APOLD1: variants seen among roughly 807,000 people sequenced by gnomAD.
The protein encoded by APOLD1 is apolipoprotein L domain-containing protein 1.
In APOLD1, 22 loss-of-function variants were observed where a neutral mutation model predicts 15.3. The observed-to-expected ratio is 1.44, with a 90% CI of 1.03 to 2.05. The LOEUF (loss-of-function observed/expected upper bound fraction) is 2.05. Ranked by LOEUF, APOLD1 falls within the 30% of genes most tolerant of loss-of-function variation. The probability of loss-of-function intolerance (pLI) is 0.00; values close to 1 mark genes in which losing one functional copy is unlikely to be tolerated. For missense variants in APOLD1, 394 were observed against 353.5 expected (o/e 1.11, Z -0.92); for synonymous variants, 190 against 167.4 (o/e 1.13, Z -1.04).
chr12:12,746,010 TC>T (rs1241623445), intron 1 of APOLD1, among the ~76,000 whole-genome samples: 1 of 152,094 alleles, frequency 6.6e-6, no homozygotes, highest in Non-Finnish European at 1.5e-5. Flanking sequence ...CAGAGCTAAA[TC>T]CCCTGAATGC....
chr12:12,786,563 C>T (rs901513586), intron 1 of APOLD1: 1 of 697,574 alleles, frequency 1.4e-6, no homozygotes, highest in Non-Finnish European at 1.8e-6. Flanking sequence ...GGCCTCAGTA[C>T]TGGAGAAGCC....
chr12:12,730,574 G>C (rs1425870713), intron 1 of APOLD1, among the ~76,000 whole-genome samples: 2 of 150,536 alleles, frequency 1.3e-5, no homozygotes, highest in Non-Finnish European at 3.0e-5. Context: ...CCAGCTACTG[G>C]AGAGGCTGAG....
At chr12:12,769,895 G>A (rs1451001612) in intron 1 of APOLD1, among the ~76,000 whole-genome samples, 2 of 152,104 alleles carry the variant, frequency 1.3e-5, no homozygotes, top group Non-Finnish European at 2.9e-5. Context: ...TCCACACCTT[G>A]CCACCACATT....
chr12:12,787,244 C>A lies in APOLD1; in HGVS notation c.339C>A (p.Asn113Lys). The A allele has an allele frequency of 6.3e-7, 1 of 1,576,816 alleles. No homozygotes were observed. Among genetic ancestry groups the A allele is most frequent in the Non-Finnish European group, 8.6e-7 (1 of 1,165,554 alleles). Residue 113 changes from asparagine (N) to lysine (K), a missense_variant, in exon 2 of 2, where the codon AAC becomes AAA. By Grantham distance (94) the Asn-to-Lys change is moderately conservative (BLOSUM62 0). Coordinates refer to ENST00000356591, the MANE Select transcript of APOLD1 (RefSeq NM_030817.3). This position sits in a 1 kb window ranked among gnomAD's most constrained non-coding sequence, Gnocchi z 4.9. Reference sequence around the variant, plus strand: ...CCGATCTCTCGCTGATCTTCTGCAACTCCCGGGAGCTGCGGAGGGTGCAGG... The same window carrying A: ...CCGATCTCTCGCTGATCTTCTGCAAATCCCGGGAGCTGCGGAGGGTGCAGG... Reference protein sequence around the residue: ...ITSDLSLIFCNSRELRRVQEI... With the variant: ...ITSDLSLIFCKSRELRRVQEI...
chr12:12,778,033 T>C (rs1029069757), intron 1 of APOLD1, among the ~76,000 whole-genome samples: 2 of 151,056 alleles, frequency 1.3e-5, no homozygotes, highest in African/African-American at 4.9e-5. Context: ...GAAGCGATCC[T>C]CCCACCTCAG....
chr12:12,732,729 C>T, intron 1 of APOLD1, among the ~76,000 whole-genome samples: 1 of 87,702 alleles, frequency 1.1e-5, no homozygotes, highest in Middle Eastern at 5.7e-3. Flanking sequence ...GACTCTGTCT[C>T]AAAAAAAAAA....
intron 1 of APOLD1, among the ~76,000 whole-genome samples, chr12:12,728,112 T>G (rs950300000): frequency 6.6e-6 from 1 of 152,108 alleles, no homozygotes; most frequent in African/African-American, 2.4e-5. Flanking sequence ...ACTACAGATG[T>G]GTGCCACCAC....
At chr12:12,776,559 T>C (rs1947035543) in intron 1 of APOLD1, among the ~76,000 whole-genome samples, 1 of 152,222 alleles carries the variant, frequency 6.6e-6, no homozygotes, top group Non-Finnish European at 1.5e-5. Flanking sequence ...TGATATAGTG[T>C]AGGTTTCACC....
At chr12:12,746,648 T>A (rs568902142) in intron 1 of APOLD1, among the ~76,000 whole-genome samples, 26 of 152,294 alleles carry the variant, frequency 1.7e-4, no homozygotes, top group South Asian at 1.0e-3. Context: ...TAATTTTTTT[T>A]AAATTTCATA....
intron 1 of APOLD1, among the ~76,000 whole-genome samples, chr12:12,747,284 T>C (rs1383844104): frequency 1.3e-5 from 2 of 152,152 alleles, no homozygotes; most frequent in African/African-American, 2.4e-5. Flanking sequence ...CCCACGTCTC[T>C]TACTAGTTAA....
chr12:12,729,765 A>AACTAAT (rs1485660472), intron 1 of APOLD1, among the ~76,000 whole-genome samples: 1 of 151,520 alleles, frequency 6.6e-6, no homozygotes, highest in Non-Finnish European at 1.5e-5. Context: ...TAAAAAAATA[A>AACTAAT]AATAATAATA....
chr12:12,741,000 G>A (rs1592291412), intron 1 of APOLD1, among the ~76,000 whole-genome samples: 1 of 151,960 alleles, frequency 6.6e-6, no homozygotes, highest in Admixed American at 6.6e-5. Flanking sequence ...ATTTAGCAGA[G>A]GTTACCTGGG....
chr12:12,767,898 G>C (rs1460272275), intron 1 of APOLD1, among the ~76,000 whole-genome samples: 1 of 151,732 alleles, frequency 6.6e-6, no homozygotes, highest in Non-Finnish European at 1.5e-5. Context: ...TGATTCTTCT[G>C]CCTCAGCCTC....
At chr12:12,778,823 A>G (rs1164153682) in intron 1 of APOLD1, among the ~76,000 whole-genome samples, 1 of 152,188 alleles carries the variant, frequency 6.6e-6, no homozygotes, top group Non-Finnish European at 1.5e-5. Context: ...AACTACTTCA[A>G]TAACCTTCTA....
chr12:12,746,914 TTAA>T (rs1946771059), intron 1 of APOLD1, among the ~76,000 whole-genome samples: 1 of 152,176 alleles, frequency 6.6e-6, no homozygotes, highest in African/African-American at 2.4e-5. Context: ...TGTTCCTGCG[TTAA>T]TTTGCTTAGG....
chr12:12,782,118 G>A, upstream of APOLD1, among the ~76,000 whole-genome samples: 1 of 151,992 alleles, frequency 6.6e-6, no homozygotes, highest in Admixed American at 6.6e-5. Flanking sequence ...AATTAGCTGG[G>A]CATGGTGGTG....
At position 12,772,616 on chromosome 12, in the gene APOLD1, A is replaced by T. The variant is rs531366831; in HGVS notation, c.97-14293A>T. 1.4e-4 allele frequency among the ~76,000 whole-genome samples: 21 copies of T among 152,362 alleles called. No homozygotes were observed. In the South Asian group the frequency reaches 4.1e-3, roughly 30 times the overall value. ...TCAGTAGGGCATAGTTGAACTCAAC[A>T]CCACCATCAATCAACTGGATGTAAT... On this transcript the variant is annotated intron_variant, in intron 1 of 1. Transcript: ENST00000326765.
intron 1 of APOLD1, among the ~76,000 whole-genome samples, chr12:12,775,314 G>A (rs909485838): frequency 6.6e-6 from 1 of 152,182 alleles, no homozygotes; most frequent in Non-Finnish European, 1.5e-5. Context: ...ATGAACAGGC[G>A]AGGTGCAGAG....
rs908670550 is a variant in APOLD1 at position 12,771,347 on chromosome 12, C to T, written c.97-15562C>T. ...GTCATGCCTGGTGGCCCCCTTATGG[C>T]CATCAGTTTGTTGGCCAGACTGCAA... On this transcript the variant is annotated intron_variant, in intron 1 of 1. Coordinates refer to the APOLD1 transcript ENST00000326765. 26 of 265,140 alleles carry T rather than the reference C, an allele frequency of 9.8e-5. 1 individual carries two copies. Among genetic ancestry groups the T allele is most frequent in the African/African-American group, 6.0e-4 (26 of 43,508 alleles). 16.4% of individuals were successfully genotyped at this position (265,140 alleles called of 1,614,324 possible). A position where few individuals can be genotyped will look rare whatever the true frequency, so the allele number is the denominator to read the frequency against.
Sources: gnomAD v4.1 joint callset for allele counts (sites outside exome capture counted in the v4.1 genomes callset) on GRCh38, gnomAD v4.1.1 for gene constraint, Gnocchi (gnomAD v3.1) non-coding constraint, MANE v1.5 for transcripts, NCBI Gene and HGNC (gene_info 2026-07-23, HGNC 2026-07-21) for gene names.